Variants in PDZRN4 observed in about 807,000 individuals in gnomAD.
The protein encoded by PDZRN4 is PDZ domain containing ring finger 4, also known as PDZ domain-containing RING finger protein 4.
A neutral mutation model predicts 99.0 loss-of-function variants in PDZRN4; 70 were observed. The observed-to-expected ratio is 0.71, with a 90% CI of 0.58 to 0.86. PDZRN4 has a LOEUF of 0.86. Among genes scored for constraint, PDZRN4 ranks in the 40% least tolerant of loss-of-function variants. The pLI is 0.00. For missense variants in PDZRN4, 1,474 were observed against 1,331.2 expected, an observed-to-expected ratio of 1.11 and a Z score of -1.67; for synonymous variants, 551 against 501.6, an observed-to-expected ratio of 1.10 and a Z score of -1.32.
intron 3 of PDZRN4, among the ~76,000 whole-genome samples, chr12:41,222,998 T>C (rs1950968478): frequency 6.6e-6 from 1 of 152,180 alleles, no homozygotes; most frequent in Non-Finnish European, 1.5e-5. Context: ...GATTTAAGAT[T>C]CCATTTTTGC....
chr12:41,376,968 C>A (rs549709966), intron 3 of PDZRN4, among the ~76,000 whole-genome samples: 2 of 152,184 alleles, frequency 1.3e-5, no homozygotes, highest in African/African-American at 4.8e-5. Flanking sequence ...TTTCCAACAC[C>A]ATTTGTTGAA....
At position 41,285,168 on chromosome 12, in the gene PDZRN4, A is replaced by C. The variant is rs1951414654; in HGVS notation, c.843+90980A>C. On this transcript the variant is annotated intron_variant, in intron 3 of 9. Transcript: ENST00000402685. ...CTTAAACAAATTTACAAGAAAAAAA[A>C]CAAAAAACCCCATCGAAAAACAGGC... Among the ~76,000 whole-genome samples the C allele has an allele frequency of 5.3e-5, 8 of 152,088 alleles. No individual in the cohort carries two copies. In the South Asian group the frequency reaches 1.7e-3, roughly 31 times the overall value.
At position 41,410,865 on chromosome 12, in the gene PDZRN4, G is replaced by A. The variant is rs373290729; in HGVS notation, c.844-95591G>A. ...CTTAGGAATTTGTAGCAAGTGAAGC[G>A]TAGGTTTTGGGGGATATTTTCTATT... On this transcript the variant is annotated intron_variant, in intron 3 of 9. Coordinates refer to ENST00000402685, the MANE Select transcript of PDZRN4 (RefSeq NM_001164595.2). Among the ~76,000 whole-genome samples the A allele has an allele frequency of 3.9e-5, 6 of 152,088 alleles. No homozygotes were observed. In the East Asian group the frequency reaches 5.8e-4, roughly 15 times the overall value.
Position 41,501,098 on chromosome 12 carries a change from T to C in PDZRN4, c.844-5358T>C, listed in dbSNP as rs192225774. On this transcript the variant is annotated intron_variant, in intron 3 of 9. Transcript: ENST00000402685. ...TACTTATCCTCAATTTCAAATTCGGTTATATCAATTGTCCATAATCCTTGG... is the reference window on the plus strand; with the variant it reads ...TACTTATCCTCAATTTCAAATTCGGCTATATCAATTGTCCATAATCCTTGG... 2.6e-5 allele frequency among the ~76,000 whole-genome samples: 4 copies of C among 152,254 alleles called. No individual in the cohort carries two copies. The East Asian group carries it at 7.7e-4, about 29-fold the overall frequency.
At chr12:41,549,596 T>C (rs1939018446) in intron 5 of PDZRN4, among the ~76,000 whole-genome samples, 1 of 152,320 alleles carries the variant, frequency 6.6e-6, no homozygotes, top group South Asian at 2.1e-4. Flanking sequence ...CTTGGGTCTC[T>C]TATGGTGCCT....
chr12:41,558,630 A>T (rs978065165), intron 7 of PDZRN4, among the ~76,000 whole-genome samples: 4 of 152,202 alleles, frequency 2.6e-5, no homozygotes, highest in Admixed American at 6.5e-5. Context: ...TTTAGAGAAA[A>T]TACCTGCTAG....
intron 3 of PDZRN4, among the ~76,000 whole-genome samples, chr12:41,458,057 T>G (rs1390181981): frequency 6.6e-6 from 1 of 152,196 alleles, no homozygotes; most frequent in Non-Finnish European, 1.5e-5. Flanking sequence ...AAACTATTCC[T>G]TGACAGATGA....
At chr12:41,313,962 C>A (rs1263550961) in intron 3 of PDZRN4, among the ~76,000 whole-genome samples, 1 of 152,040 alleles carries the variant, frequency 6.6e-6, no homozygotes, top group Non-Finnish European at 1.5e-5. Flanking sequence ...CTTTCAATGC[C>A]TTTTGTCTTT....
chr12:41,198,751 A>G (rs1474476384), intron 3 of PDZRN4, among the ~76,000 whole-genome samples: 4 of 151,926 alleles, frequency 2.6e-5, no homozygotes, highest in African/African-American at 9.7e-5. Flanking sequence ...CCTAAAACTT[A>G]AAGTATAGTA....
At chr12:41,225,316 T>A (rs1950985723) in intron 3 of PDZRN4, among the ~76,000 whole-genome samples, 1 of 152,082 alleles carries the variant, frequency 6.6e-6, no homozygotes, top group Non-Finnish European at 1.5e-5. Context: ...AAACTCTGGG[T>A]GGTTGCATCT....
intron 3 of PDZRN4, among the ~76,000 whole-genome samples, chr12:41,395,882 CCTTTA>C (rs138410035): frequency 0.012 from 1,890 of 151,972 alleles, 17 homozygotes; most frequent in Non-Finnish European, 0.018. Context: ...ATAGGAATGC[CCTTTA>C]CTTTATCTTT....
rs1202084977 is a variant in PDZRN4, at chr12:41,442,729, C to T, written c.844-63727C>T. On this transcript the variant is annotated intron_variant, in intron 3 of 9. Transcript: ENST00000402685. ...CAGAAATTTATATTGTGAAGTAGGA[C>T]ACTAGTAATGGGGCAAGGGTACAAA... Among the ~76,000 whole-genome samples the T allele has an allele frequency of 2.6e-5, 4 of 152,022 alleles. No homozygotes were observed. The East Asian group carries it at 7.7e-4, about 29-fold the overall frequency.
At chr12:41,341,032 T>C (rs546082708) in intron 3 of PDZRN4, among the ~76,000 whole-genome samples, 8 of 152,042 alleles carry the variant, frequency 5.3e-5, no homozygotes, top group African/African-American at 1.7e-4. Context: ...GGGAGATTTA[T>C]CCAGGGATTC....
chr12:41,224,403 T>C (rs1376252691), intron 3 of PDZRN4, among the ~76,000 whole-genome samples: 2 of 152,338 alleles, frequency 1.3e-5, no homozygotes, highest in East Asian at 3.9e-4. Flanking sequence ...TGCAGTCTTG[T>C]ACATTTATTG....
chr12:41,570,160 T>C (rs2120855470), intron 9 of PDZRN4, among the ~76,000 whole-genome samples: 1 of 152,296 alleles, frequency 6.6e-6, no homozygotes, highest in Middle Eastern at 3.4e-3. Context: ...CCTCTGAGGT[T>C]AGATTCTCAT....
intron 3 of PDZRN4, among the ~76,000 whole-genome samples, chr12:41,335,722 G>GA (rs920199518): frequency 3.3e-5 from 5 of 151,940 alleles, no homozygotes; most frequent in Non-Finnish European, 5.9e-5. Flanking sequence ...CAATATTCAG[G>GA]AAAAAACACA....
chr12:41,482,412 A>G (rs1937689270), intron 3 of PDZRN4, among the ~76,000 whole-genome samples: 1 of 152,110 alleles, frequency 6.6e-6, no homozygotes, highest in South Asian at 2.1e-4. Flanking sequence ...TACAACAAGG[A>G]AAAAAAGGAA....
intron 5 of PDZRN4, among the ~76,000 whole-genome samples, chr12:41,523,549 G>A (rs187728154): frequency 9.9e-4 from 151 of 152,210 alleles, no homozygotes; most frequent in Non-Finnish European, 1.6e-3. Context: ...CACCTAGTTC[G>A]TATTAGAGAC....
At chr12:41,316,660 C>A (rs936851658) in intron 3 of PDZRN4, among the ~76,000 whole-genome samples, 1 of 151,954 alleles carries the variant, frequency 6.6e-6, no homozygotes, top group East Asian at 1.9e-4. Context: ...GTTTGTATGG[C>A]TTATAAGATC....
Sources: allele counts gnomAD v4.1 joint callset (sites outside exome capture counted in the v4.1 genomes callset), GRCh38; gene constraint gnomAD v4.1.1; transcripts MANE v1.5; gene names NCBI Gene and HGNC (gene_info 2026-07-23, HGNC 2026-07-21).